COL5A1: variants seen among roughly 807,000 people sequenced by gnomAD.
COL5A1 encodes collagen type V alpha 1 chain, also known as collagen alpha-1(V) chain.
COL5A1 carries 16 observed loss-of-function variants against 263.7 expected under a neutral mutation model. The ratio of observed to expected loss-of-function variants is 0.06; its 90% CI spans 0.04 to 0.09. COL5A1 has a LOEUF of 0.09. COL5A1 is among the 10% of genes least tolerant of loss of function. The pLI is 1.00. For synonymous variants in COL5A1, 1,012 were observed against 1,004.5 expected (o/e 1.01, Z -0.14); for missense variants, 2,036 against 2,540.5 (o/e 0.80, Z 4.27).
At chr9:134,763,603 A>G (rs1836548849) in intron 19 of COL5A1, 90 bp from the exon 20 acceptor site, 3 of 1,353,430 alleles carry the variant, frequency 2.2e-6, no homozygotes. Flanking sequence ...AGCAGCCCCA[A>G]GCCAGAGAAC....
intron 32 of COL5A1, among the ~76,000 whole-genome samples, chr9:134,793,386 G>GGT (rs1554801162): frequency 6.6e-6 from 1 of 151,756 alleles, no homozygotes; most frequent in African/African-American, 2.4e-5. Context: ...AAGGAGGCTG[G>GGT]GGGGGGCATT....
Position 134,824,807 on chromosome 9 carries a change from G to T in COL5A1, c.4906G>T (p.Ala1636Ser). ...GCCCCTGGGCACGCAGCAGAACCCC[G>T]CCCGCACCTGCAAGGACCTGCAGCT... ...KRPLGTQQNP[A>S]RTCKDLQLCH... The change falls in exon 62 of 66, where the codon GCC (alanine) becomes TCC (serine). Residue 1636 changes from alanine to serine, a missense_variant. Physicochemically the swap from Ala to Ser is moderately conservative, Grantham distance 99. Coordinates refer to ENST00000371817, the MANE Select transcript of COL5A1 (RefSeq NM_000093.5). 6.2e-7 allele frequency: 1 copy of T among 1,613,914 alleles called. No individual in the cohort carries two copies. Among genetic ancestry groups the T allele is most frequent in the Non-Finnish European group, 8.5e-7 (1 of 1,180,020 alleles).
At chr9:134,674,434 G>A (rs1442277495) in intron 1 of COL5A1, among the ~76,000 whole-genome samples, 1 of 152,164 alleles carries the variant, frequency 6.6e-6, no homozygotes, top group Non-Finnish European at 1.5e-5. Flanking sequence ...AGGCAGAACT[G>A]CAGGGACAGA....
At chr9:134,697,800 C>G (rs978338905) in intron 2 of COL5A1, among the ~76,000 whole-genome samples, 1 of 152,204 alleles carries the variant, frequency 6.6e-6, no homozygotes, top group African/African-American at 2.4e-5. Flanking sequence ...CCCACATCCC[C>G]TCATGTGGAA....
chr9:134,648,646 C>G (rs1303614491), intron 1 of COL5A1, among the ~76,000 whole-genome samples: 1 of 152,190 alleles, frequency 6.6e-6, no homozygotes, highest in Non-Finnish European at 1.5e-5. Context: ...ACTGCCCTTG[C>G]CACCAGGGGC....
intron 9 of COL5A1, among the ~76,000 whole-genome samples, chr9:134,737,046 G>A (rs981259802): frequency 1.3e-5 from 2 of 152,182 alleles, no homozygotes; most frequent in African/African-American, 2.4e-5. Flanking sequence ...CCAGGCTGGC[G>A]CTGTATGCTG....
intron 30 of COL5A1, 36 bp from the exon 31 acceptor site, chr9:134,785,959 C>T (rs779779477): frequency 1.8e-5 from 29 of 1,580,706 alleles, no homozygotes; most frequent in Middle Eastern, 1.7e-4. Flanking sequence ...GGAGCAATAC[C>T]GTGCTGGCCA....
chr9:134,774,983 G>C, intron 27 of COL5A1, 71 bp downstream of exon 27: 1 of 1,392,794 alleles, frequency 7.2e-7, no homozygotes. Flanking sequence ...TGGCGTGGCT[G>C]GTTTTAGGGA....
chr9:134,688,052 C>A lies in COL5A1; in HGVS notation c.110-2860C>A, dbSNP rs931048481. Among the ~76,000 whole-genome samples, 4 of 152,204 alleles carry A rather than the reference C, an allele frequency of 2.6e-5. No individual in the cohort carries two copies. The East Asian group carries it at 5.8e-4, about 22-fold the overall frequency. On this transcript the variant is annotated intron_variant, in intron 1 of 65. Coordinates refer to ENST00000371817, the MANE Select transcript of COL5A1 (RefSeq NM_000093.5). ...CAGGCTCCTCCTGGGCTCTCCCCAACCTTTTCTTTTTCAAAAAGTACTTAA... is the reference window on the plus strand; with the variant it reads ...CAGGCTCCTCCTGGGCTCTCCCCAAACTTTTCTTTTTCAAAAAGTACTTAA...
intron 1 of COL5A1, among the ~76,000 whole-genome samples, chr9:134,688,712 C>T (rs551467303): frequency 1.3e-5 from 2 of 152,306 alleles, no homozygotes; most frequent in East Asian, 3.9e-4. Context: ...GTTCCCACGC[C>T]GCAGTGGGAA....
chr9:134,830,438 A>G, intron 64 of COL5A1: 1 of 563,274 alleles, frequency 1.8e-6, no homozygotes, highest in East Asian at 3.0e-5. Flanking sequence ...TGTGGGCCCC[A>G]GCCTGAGCTG....
intron 34 of COL5A1, among the ~76,000 whole-genome samples, chr9:134,796,101 A>G (rs1380738647): frequency 6.6e-6 from 1 of 152,144 alleles, no homozygotes; most frequent in Non-Finnish European, 1.5e-5. Context: ...AGGCTGGGGC[A>G]CAGCCTTTGT....
intron 18 of COL5A1, among the ~76,000 whole-genome samples, chr9:134,759,733 T>TCC (rs1836208193): frequency 2.4e-5 from 1 of 41,134 alleles, no homozygotes; most frequent in African/African-American, 1.2e-4. Flanking sequence ...CCCACACTCA[T>TCC]ACACACACAC....
At chr9:134,738,684 G>T in intron 10 of COL5A1, 62 bp from the exon 11 acceptor site, 1 of 1,518,638 alleles carries the variant, frequency 6.6e-7, no homozygotes, top group South Asian at 1.1e-5. Flanking sequence ...TGGCCAGTTG[G>T]AACTTGGACC....
At position 134,696,166 on chromosome 9, in the gene COL5A1, TTGC is replaced by T. The variant is rs1833456059; in HGVS notation, c.278-3742_278-3740del. On this transcript the variant is annotated intron_variant, in intron 2 of 65. Transcript: ENST00000371817. The surrounding 1 kb of genome is among the most constrained non-coding windows in gnomAD (Gnocchi z 4.3). ...CCTGCCCCACTGCCCCCTGCATTAT[TTGC>T]AATTATTATTATTATTATTATTGAG... Among the ~76,000 whole-genome samples, 2 of 151,848 alleles carry T rather than the reference TTGC, an allele frequency of 1.3e-5. No individual in the cohort carries two copies. The highest frequency in any genetic ancestry group is 2.9e-5 in the Non-Finnish European group (2 of 68,014).
rs1831332197 is a variant in COL5A1 at position 134,642,551 on chromosome 9, G to A, written c.109+255G>A. On this transcript the variant is annotated intron_variant, in intron 1 of 65. Coordinates refer to ENST00000371817, the MANE Select transcript of COL5A1 (RefSeq NM_000093.5). The surrounding 1 kb of genome is among the most constrained non-coding windows in gnomAD (Gnocchi z 4.5). Reference sequence around the variant, plus strand: ...CTGTCGCGCGAGCCGAGGAAGGACCGAGGGCTGGATCAGCAGGAGGGGTTG... The same window carrying A: ...CTGTCGCGCGAGCCGAGGAAGGACCAAGGGCTGGATCAGCAGGAGGGGTTG... 6.6e-6 allele frequency among the ~76,000 whole-genome samples: 1 copy of A among 152,176 alleles called. No homozygotes were observed.
In COL5A1 at chr9:134,642,037, A is replaced by C; in HGVS notation, c.-151A>C. ...CGCCCCTTCCAGAACAGCCGCCGCC[A>C]CAAAGAAGAACGGGGGGTGCCGAGG... On this transcript the variant is annotated 5_prime_UTR_variant, in exon 1 of 66. Transcript: ENST00000371817. This position sits in a 1 kb window ranked among gnomAD's most constrained non-coding sequence, Gnocchi z 4.5. 1 of 660,230 alleles carries C rather than the reference A, an allele frequency of 1.5e-6. No individual in the cohort carries two copies. Among genetic ancestry groups the C allele is most frequent in the Non-Finnish European group, 2.1e-6 (1 of 466,434 alleles). 40.9% of individuals were successfully genotyped at this position (660,230 alleles called of 1,614,324 possible).
chr9:134,690,822 G>A, intron 1 of COL5A1, 90 bp from the exon 2 acceptor site: 1 of 1,465,158 alleles, frequency 6.8e-7, no homozygotes, highest in Non-Finnish European at 9.5e-7. Context: ...TGGTGGGGGT[G>A]GGGGTGCTTC....
At chr9:134,667,412 G>T (rs990925808) in intron 1 of COL5A1, among the ~76,000 whole-genome samples, 1 of 152,226 alleles carries the variant, frequency 6.6e-6, no homozygotes, top group Admixed American at 6.5e-5. Context: ...GACAGCATTT[G>T]CAGTGGGATG....
Sources: gnomAD v4.1 joint callset for allele counts (sites outside exome capture counted in the v4.1 genomes callset) on GRCh38, gnomAD v4.1.1 for gene constraint, Gnocchi (gnomAD v3.1) non-coding constraint, MANE v1.5 for transcripts, NCBI Gene and HGNC (gene_info 2026-07-23, HGNC 2026-07-21) for gene names.